ARHGAP29: variants seen among roughly 807,000 people sequenced by gnomAD.
The protein encoded by ARHGAP29 is Rho GTPase activating protein 29.
ARHGAP29 carries 43 observed loss-of-function variants against 122.6 expected under a neutral mutation model. The ratio of observed to expected loss-of-function variants is 0.35; its 90% CI spans 0.27 to 0.45. ARHGAP29 has a LOEUF of 0.45. Ranked by LOEUF, ARHGAP29 falls within the 20% of genes least tolerant of loss-of-function variation. The pLI, the probability that ARHGAP29 is intolerant of heterozygous loss-of-function variation, is 1.00. For synonymous variants in ARHGAP29, 506 were observed against 497.1 expected, an observed-to-expected ratio of 1.02 and a Z score of -0.24; for missense variants, 1,303 against 1,477.2, an observed-to-expected ratio of 0.88 and a Z score of 1.93.
At chr1:94,225,433 T>C (rs900550815) in intron 2 of ARHGAP29, among the ~76,000 whole-genome samples, 1 of 152,110 alleles carries the variant, frequency 6.6e-6, no homozygotes, top group African/African-American at 2.4e-5. Flanking sequence ...TTAATATACA[T>C]AAATGGCAAT....
chr1:94,271,134 A>G (rs1282290915), intron 1 of ARHGAP29, among the ~76,000 whole-genome samples: 3 of 152,236 alleles, frequency 2.0e-5, no homozygotes, highest in Non-Finnish European at 4.4e-5. Flanking sequence ...AGTGTCTCAC[A>G]TGATGTTAGA....
intron 3 of ARHGAP29, among the ~76,000 whole-genome samples, chr1:94,212,435 T>C (rs1651693801): frequency 6.6e-6 from 1 of 152,194 alleles, no homozygotes; most frequent in South Asian, 2.1e-4. Context: ...TCAATAAAGC[T>C]GTTTATAAAA....
chr1:94,283,543 T>G, the ARHGAP29 span, among the ~76,000 whole-genome samples: 2 of 152,188 alleles, frequency 1.3e-5, no homozygotes, highest in African/African-American at 4.8e-5. Context: ...TAGAATCGAT[T>G]ACCTCATGGA....
intron 1 of ARHGAP29, among the ~76,000 whole-genome samples, chr1:94,256,668 C>G (rs899607708): frequency 2.7e-5 from 4 of 148,178 alleles, no homozygotes; most frequent in African/African-American, 1.0e-4. Flanking sequence ...ACGCCATTCT[C>G]CTGCCTCAGC....
In ARHGAP29 at chr1:94,185,778, T is replaced by C. The variant is rs375387930; in HGVS notation, c.1781-297A>G. On this transcript the variant is annotated intron_variant, in intron 16 of 22. Coordinates refer to ENST00000260526, the MANE Select transcript of ARHGAP29 (RefSeq NM_004815.4). Reference sequence around the variant, plus strand: ...CAGCATATTTACACTGTTATTAATATGCTCTTTCATAGAGCTGGGAAGTGT... The same window carrying C: ...CAGCATATTTACACTGTTATTAATACGCTCTTTCATAGAGCTGGGAAGTGT... 2.6e-5 allele frequency among the ~76,000 whole-genome samples: 4 copies of C among 152,210 alleles called. 1 individual carries two copies. The highest frequency in any genetic ancestry group is 3.9e-4 in the East Asian group (2 of 5,190).
chr1:94,206,385 G>A (rs536463945), intron 5 of ARHGAP29, among the ~76,000 whole-genome samples: 1 of 152,254 alleles, frequency 6.6e-6, no homozygotes, highest in Non-Finnish European at 1.5e-5. Flanking sequence ...GCAATACAGG[G>A]TATACAGGGA....
At position 94,170,852 on chromosome 1, in the gene ARHGAP29, G is replaced by C. The variant is rs996702931; in HGVS notation, c.*3017C>G. Among the ~76,000 whole-genome samples, 1 of 152,106 alleles carries C rather than the reference G, an allele frequency of 6.6e-6. No homozygotes were observed. Among genetic ancestry groups the C allele is most frequent in the Non-Finnish European group, 1.5e-5 (1 of 68,012 alleles). On this transcript the variant is annotated 3_prime_UTR_variant, in exon 23 of 23. Coordinates refer to ENST00000260526, the MANE Select transcript of ARHGAP29 (RefSeq NM_004815.4). ...CTTTTGTTAGACTTATTCTTAGGTA[G>C]AGTATTTTGTATTTTTTAATGATAT...
chr1:94,210,106 G>C (rs910473223), intron 3 of ARHGAP29, among the ~76,000 whole-genome samples: 1 of 152,044 alleles, frequency 6.6e-6, no homozygotes, highest in Non-Finnish European at 1.5e-5. Flanking sequence ...GCCCAAACAC[G>C]GTTTACCAAG....
the ARHGAP29 span, among the ~76,000 whole-genome samples, chr1:94,298,359 T>C: frequency 1.8e-4 from 27 of 152,268 alleles, no homozygotes; most frequent in Non-Finnish European, 3.5e-4. Flanking sequence ...ACGGTCTTTC[T>C]ATAGAGATTG....
the ARHGAP29 span, among the ~76,000 whole-genome samples, chr1:94,293,444 G>A: frequency 9.9e-3 from 1,502 of 152,318 alleles, 23 homozygotes; most frequent in African/African-American, 0.033. Context: ...TCCTGGGTGA[G>A]GTGACACCCT....
chr1:94,289,609 T>C, the ARHGAP29 span, among the ~76,000 whole-genome samples: 1 of 152,244 alleles, frequency 6.6e-6, no homozygotes, highest in Non-Finnish European at 1.5e-5. Context: ...GCCCATTCAG[T>C]ATGATATTGG....
At chr1:94,225,927 G>C (rs575478708) in intron 2 of ARHGAP29, among the ~76,000 whole-genome samples, 2 of 151,720 alleles carry the variant, frequency 1.3e-5, no homozygotes, top group Non-Finnish European at 2.9e-5. Flanking sequence ...TTGTTTCACC[G>C]ATCTAAGCCA....
intron 1 of ARHGAP29, chr1:94,248,139 G>T (rs1220838039): frequency 1.3e-5 from 2 of 152,124 alleles, no homozygotes; most frequent in Non-Finnish European, 2.9e-5. Flanking sequence ...ACAAAAGTAC[G>T]TTTTGTGCTT....
At chr1:94,269,596 A>G (rs1570628541) in intron 1 of ARHGAP29, among the ~76,000 whole-genome samples, 1 of 69,246 alleles carries the variant, frequency 1.4e-5, no homozygotes, top group South Asian at 5.8e-4. Flanking sequence ...TTTAATAACA[A>G]TGATGGTAAG....
At chr1:94,241,371 G>A (rs1048818438), upstream of ARHGAP29, among the ~76,000 whole-genome samples, 1 of 152,000 alleles carries the variant, frequency 6.6e-6, no homozygotes. Context: ...ATCCCAGCAC[G>A]TTGGGAGGCC....
At chr1:94,271,676 C>T (rs760483271) in intron 1 of ARHGAP29, among the ~76,000 whole-genome samples, 3 of 152,138 alleles carry the variant, frequency 2.0e-5, no homozygotes, top group Admixed American at 6.6e-5. Flanking sequence ...GGACACAGGA[C>T]GTCTTTATGA....
At chr1:94,304,519 T>G in the ARHGAP29 span, among the ~76,000 whole-genome samples, 3 of 152,304 alleles carry the variant, frequency 2.0e-5, no homozygotes, top group Non-Finnish European at 2.9e-5. Context: ...ACAGGTCATT[T>G]CCTCCTCTTC....
the ARHGAP29 span, among the ~76,000 whole-genome samples, chr1:94,294,971 T>C: frequency 6.6e-6 from 1 of 152,188 alleles, no homozygotes; most frequent in Non-Finnish European, 1.5e-5. Flanking sequence ...GCAGCTTCCA[T>C]AGACAGAGTG....
chr1:94,190,351 C>A (rs980171398), intron 12 of ARHGAP29: 3 of 296,090 alleles, frequency 1.0e-5, no homozygotes, highest in Non-Finnish European at 1.2e-5. Flanking sequence ...AAACTCCATG[C>A]CCCAGCTGGT....
Sources: gnomAD v4.1 joint callset for allele counts (sites outside exome capture counted in the v4.1 genomes callset) on GRCh38, gnomAD v4.1.1 for gene constraint, MANE v1.5 for transcripts, NCBI Gene and HGNC (gene_info 2026-07-23, HGNC 2026-07-21) for gene names.